The following NADSYN1 variants were observed in gnomAD, a reference collection of about 807,000 sequenced individuals.
The protein encoded by NADSYN1 is NAD synthetase 1.
In NADSYN1, 80 loss-of-function variants were observed where a neutral mutation model predicts 99.3. The ratio of observed to expected loss-of-function variants is 0.81; its 90% confidence interval spans 0.67 to 0.97. The LOEUF (loss-of-function observed/expected upper bound fraction) is 0.97, where lower values mean the gene tolerates loss of function less well. Among genes scored for constraint, NADSYN1 ranks in the 50% least tolerant of loss-of-function variants. The pLI is 0.00. For missense variants in NADSYN1, 859 were observed against 948.5 expected (o/e 0.91, Z 1.24); for synonymous variants, 385 against 372.1 (o/e 1.03, Z -0.40).
chr11:71,489,806 A>G (rs1949767443), intron 16 of NADSYN1, among the ~76,000 whole-genome samples: 1 of 152,186 alleles, frequency 6.6e-6, no homozygotes, highest in South Asian at 2.1e-4. Context: ...CAAGAAATGC[A>G]TCTGGTGGGA....
At chr11:71,456,568 C>T (rs1949516430) in intron 2 of NADSYN1, among the ~76,000 whole-genome samples, 1 of 152,328 alleles carries the variant, frequency 6.6e-6, no homozygotes, top group East Asian at 1.9e-4. Flanking sequence ...TCCCCCTGGC[C>T]TGATGTTGCC....
At chr11:71,493,976 A>G (rs1949802311) in intron 18 of NADSYN1, among the ~76,000 whole-genome samples, 1 of 152,240 alleles carries the variant, frequency 6.6e-6, no homozygotes. Context: ...TACCAAAAAA[A>G]TACAAACAAC....
At chr11:71,487,737 A>C (rs1016008358) in intron 16 of NADSYN1, among the ~76,000 whole-genome samples, 18 of 147,606 alleles carry the variant, frequency 1.2e-4, no homozygotes, top group Non-Finnish European at 2.1e-4. Flanking sequence ...AGGCTGAGGC[A>C]GGAGAATGGC....
intron 18 of NADSYN1, among the ~76,000 whole-genome samples, chr11:71,493,883 G>A (rs1024689487): frequency 1.3e-5 from 2 of 152,132 alleles, no homozygotes; most frequent in Admixed American, 1.3e-4. Flanking sequence ...TGTAATCCCA[G>A]CACTTTGGGA....
intron 3 of NADSYN1, chr11:71,460,827 G>C (rs1949545798): frequency 1.3e-5 from 2 of 152,256 alleles, no homozygotes; most frequent in Admixed American, 1.3e-4. Flanking sequence ...TCAAGGAAGA[G>C]GGTGCTGAGT....
At chr11:71,473,470 G>C (rs748834352) in intron 7 of NADSYN1, 99 bp from the exon 8 acceptor site, 13 of 1,527,622 alleles carry the variant, frequency 8.5e-6, no homozygotes, top group Non-Finnish European at 1.2e-5. Context: ...GGCCGTGGCC[G>C]TGGGCTGGGA....
chr11:71,490,661 G>C (rs886078816), intron 16 of NADSYN1, among the ~76,000 whole-genome samples, 184 bp from the exon 17 acceptor site: 2 of 152,196 alleles, frequency 1.3e-5, no homozygotes, highest in East Asian at 3.9e-4. Flanking sequence ...TGCACTCAAA[G>C]GCCCTCCTGG....
chr11:71,463,742 C>T (rs1488611220), intron 4 of NADSYN1, among the ~76,000 whole-genome samples: 1 of 151,908 alleles, frequency 6.6e-6, no homozygotes, highest in Non-Finnish European at 1.5e-5. Context: ...GGTGTGGGGA[C>T]ACAGGTCCTT....
At chr11:71,456,046 G>A (rs907147266) in intron 2 of NADSYN1, among the ~76,000 whole-genome samples, 2 of 152,198 alleles carry the variant, frequency 1.3e-5, no homozygotes, top group Non-Finnish European at 2.9e-5. Context: ...CTAGTTTCCC[G>A]TTGGTCTTTA....
chr11:71,468,831 C>T (rs1949609808), intron 5 of NADSYN1, among the ~76,000 whole-genome samples: 1 of 152,140 alleles, frequency 6.6e-6, no homozygotes, highest in East Asian at 1.9e-4. Flanking sequence ...TTTCATTTAC[C>T]AGCAACATTC....
intron 19 of NADSYN1, 41 bp downstream of exon 19, chr11:71,497,652 G>C (rs1209225241): frequency 6.2e-7 from 1 of 1,612,878 alleles, no homozygotes; most frequent in Admixed American, 1.7e-5. Context: ...GGCCAGTTAG[G>C]TAATGTCCCC....
intron 15 of NADSYN1, chr11:71,484,774 C>G: frequency 3.1e-6 from 1 of 320,504 alleles, no homozygotes; most frequent in Non-Finnish European, 6.0e-6. Context: ...TGTGTCTGAG[C>G]CTGAGTGTGA....
intron 17 of NADSYN1, among the ~76,000 whole-genome samples, chr11:71,491,284 G>A (rs114843503): frequency 4.6e-5 from 7 of 152,264 alleles, no homozygotes; most frequent in East Asian, 1.9e-4. Context: ...TGAGCAGAGC[G>A]CCTGTGCTTT....
chr11:71,481,884 C>A, intron 12 of NADSYN1, 39 bp from the exon 13 acceptor site: 1 of 1,580,422 alleles, frequency 6.3e-7, no homozygotes, highest in Non-Finnish European at 8.7e-7. Flanking sequence ...TGCTGCTTCT[C>A]CGAGGCTCTG....
At position 71,500,342 on chromosome 11, in the gene NADSYN1, G is replaced by C. The variant is rs114955181; in HGVS notation, c.2071-960G>C. Among the ~76,000 whole-genome samples, 1,359 of 151,708 alleles carry C rather than the reference G, an allele frequency of 9.0e-3. 21 individuals are homozygous for C. Among genetic ancestry groups the C allele is most frequent in the African/African-American group, 0.031 (1,291 of 41,312 alleles). Reference sequence around the variant, plus strand: ...TCTGAGCAGGTGGCCTGTAAAACGAGGGTGGATCAGTGGCAGGGGTTCTAC... The same window carrying C: ...TCTGAGCAGGTGGCCTGTAAAACGACGGTGGATCAGTGGCAGGGGTTCTAC... On this transcript the variant is annotated intron_variant, in intron 20 of 20. Transcript: ENST00000319023.
chr11:71,489,804 G>A (rs1456059471), intron 16 of NADSYN1, among the ~76,000 whole-genome samples: 1 of 152,212 alleles, frequency 6.6e-6, no homozygotes, highest in Non-Finnish European at 1.5e-5. Context: ...GTCAAGAAAT[G>A]CATCTGGTGG....
intron 18 of NADSYN1, among the ~76,000 whole-genome samples, chr11:71,495,808 A>G (rs1949815013): frequency 6.6e-6 from 1 of 152,208 alleles, no homozygotes; most frequent in Non-Finnish European, 1.5e-5. Context: ...AGGGACGGAC[A>G]AGAAGGCCCA....
At position 71,460,893 on chromosome 11, in the gene NADSYN1, G is replaced by C. The variant is rs1301457533; in HGVS notation, c.263+2349G>C. The stretch of plus-strand genomic sequence containing the variant: ...ACCATCCTTAGTTCTGCTCCACAAG[G>C]GTTTGCCTTTATAAGCAAAATAAAG... On this transcript the variant is annotated intron_variant, in intron 3 of 20. Coordinates refer to ENST00000319023, the MANE Select transcript of NADSYN1 (RefSeq NM_018161.5). 3.9e-5 allele frequency: 6 copies of C among 152,170 alleles called. No homozygotes were observed. The South Asian group carries it at 8.3e-4, about 21-fold the overall frequency. 9.4% of individuals were successfully genotyped at this position (152,170 alleles called of 1,614,324 possible). A position where few individuals can be genotyped will look rare whatever the true frequency, so the allele number is the denominator to read the frequency against.
At chr11:71,457,862 A>T (rs554934021) in intron 2 of NADSYN1, among the ~76,000 whole-genome samples, 1 of 152,280 alleles carries the variant, frequency 6.6e-6, no homozygotes, top group South Asian at 2.1e-4. Context: ...GGGTGATCTC[A>T]TCTTGGGATA....
Sources: gnomAD v4.1 joint callset for allele counts (sites outside exome capture counted in the v4.1 genomes callset) on GRCh38, gnomAD v4.1.1 for gene constraint, MANE v1.5 for transcripts, NCBI Gene and HGNC (gene_info 2026-07-23, HGNC 2026-07-21) for gene names.